The following MCTP1 variants were observed in gnomAD, a reference collection of about 807,000 sequenced individuals.
MCTP1 encodes the protein multiple C2 and transmembrane domain containing 1.
MCTP1 carries 69 observed loss-of-function variants against 120.6 expected under a neutral mutation model. The observed-to-expected ratio is 0.57, with a 90% CI of 0.47 to 0.70. MCTP1 has a LOEUF of 0.70. MCTP1 is among the 30% of genes least tolerant of loss of function. The pLI is 0.00. For missense variants in MCTP1, 1,203 were observed against 1,248.8 expected (o/e 0.96, Z 0.55); for synonymous variants, 529 against 493.1 (o/e 1.07, Z -0.96).
chr5:94,998,843 C>T (rs1356415327), intron 2 of MCTP1, among the ~76,000 whole-genome samples: 1 of 152,182 alleles, frequency 6.6e-6, no homozygotes, highest in Non-Finnish European at 1.5e-5. Flanking sequence ...TTGACTTTCT[C>T]CATAAATATT....
chr5:94,958,801 C>T (rs1269555769), intron 2 of MCTP1, among the ~76,000 whole-genome samples: 1 of 152,120 alleles, frequency 6.6e-6, no homozygotes, highest in East Asian at 1.9e-4. Context: ...CAAAAAAACC[C>T]ATGACCAGAT....
intron 1 of MCTP1, among the ~76,000 whole-genome samples, chr5:95,047,765 T>G (rs990753722): frequency 3.9e-5 from 6 of 152,002 alleles, no homozygotes; most frequent in African/African-American, 1.4e-4. Context: ...CATCTCTTCT[T>G]CCCCTTTCTC....
intron 3 of MCTP1, among the ~76,000 whole-genome samples, chr5:94,946,501 T>A (rs766206377): frequency 6.6e-6 from 1 of 152,090 alleles, no homozygotes; most frequent in South Asian, 2.1e-4. Flanking sequence ...GAGATACACA[T>A]TTGGAAAATC....
intron 17 of MCTP1, among the ~76,000 whole-genome samples, chr5:94,833,077 A>G (rs1051133253): frequency 2.6e-5 from 4 of 152,208 alleles, no homozygotes; most frequent in Non-Finnish European, 1.5e-5. Context: ...TCAGAAAGGT[A>G]AAGAAAAACA....
At position 95,280,650 on chromosome 5, in the gene MCTP1, ATT is replaced by A. The variant is rs899253708; in HGVS notation, c.720+3204_720+3205del. Among the ~76,000 whole-genome samples the A allele has an allele frequency of 8.6e-5, 13 of 151,762 alleles. No individual in the cohort carries two copies. In the East Asian group the frequency reaches 2.5e-3, roughly 29 times the overall value. Reference sequence around the variant, plus strand: ...CCAGAATCAGTGGGAAGAAAGGGATATTTTTTTTTCCTTATTCTCAAAACAGA... The same window carrying A: ...CCAGAATCAGTGGGAAGAAAGGGATATTTTTTTCCTTATTCTCAAAACAGA... On this transcript the variant is annotated intron_variant, in intron 1 of 22. Coordinates refer to ENST00000515393, the MANE Select transcript of MCTP1 (RefSeq NM_024717.7).
chr5:95,194,084 C>T (rs1169976201), intron 1 of MCTP1, among the ~76,000 whole-genome samples: 1 of 152,088 alleles, frequency 6.6e-6, no homozygotes, highest in Admixed American at 6.6e-5. Context: ...AGCATGGTAG[C>T]TTGCACCTGT....
At chr5:95,075,791 A>C (rs1753401795) in intron 1 of MCTP1, among the ~76,000 whole-genome samples, 1 of 152,240 alleles carries the variant, frequency 6.6e-6, no homozygotes, top group African/African-American at 2.4e-5. Flanking sequence ...TTCTCTCAGA[A>C]GTGACTATTC....
chr5:95,255,792 C>A (rs1024899405), intron 1 of MCTP1, among the ~76,000 whole-genome samples: 1 of 152,132 alleles, frequency 6.6e-6, no homozygotes, highest in Non-Finnish European at 1.5e-5. Flanking sequence ...CCCAATCAAG[C>A]ATCTAACTGC....
chr5:94,988,948 T>G (rs10077845), intron 2 of MCTP1, among the ~76,000 whole-genome samples: 8,940 of 152,154 alleles, frequency 0.059, 850 homozygotes, highest in African/African-American at 0.2. Context: ...GAGAACTGGA[T>G]GGGGGAAACC....
At chr5:95,230,016 C>T (rs558638530) in intron 1 of MCTP1, among the ~76,000 whole-genome samples, 2 of 152,128 alleles carry the variant, frequency 1.3e-5, no homozygotes, top group South Asian at 2.1e-4. Context: ...AGGAGGCCTC[C>T]AGAACTAAGG....
intron 8 of MCTP1, among the ~76,000 whole-genome samples, chr5:94,917,283 C>T (rs867082444): frequency 1.3e-5 from 2 of 152,106 alleles, no homozygotes; most frequent in South Asian, 4.1e-4. Context: ...TGAGGTAATG[C>T]TCTCAACTAG....
chr5:95,258,512 T>C (rs963019906), intron 1 of MCTP1, among the ~76,000 whole-genome samples: 1 of 152,218 alleles, frequency 6.6e-6, no homozygotes, highest in African/African-American at 2.4e-5. Flanking sequence ...TTAGATAGGA[T>C]ACTGAAACAT....
intron 1 of MCTP1, among the ~76,000 whole-genome samples, chr5:95,256,740 G>T (rs965462746): frequency 7.7e-4 from 117 of 152,266 alleles, no homozygotes; most frequent in African/African-American, 2.5e-3. Context: ...AAGAGAGAGA[G>T]GAAAGAGACC....
intron 19 of MCTP1, among the ~76,000 whole-genome samples, chr5:94,747,847 T>A (rs1295227445): frequency 5.9e-5 from 9 of 152,150 alleles, no homozygotes; most frequent in Non-Finnish European, 1.0e-4. Context: ...ACCCAGCACC[T>A]TGGGAGGCCA....
intron 19 of MCTP1, among the ~76,000 whole-genome samples, chr5:94,774,807 C>G (rs1433315384): frequency 1.3e-5 from 2 of 152,198 alleles, no homozygotes; most frequent in Non-Finnish European, 2.9e-5. Flanking sequence ...TTTCCTTGTG[C>G]CTCCTTTCTT....
In MCTP1 at chr5:94,985,992, C is replaced by G. The variant is rs141566174; in HGVS notation, c.838+31375G>C. Among the ~76,000 whole-genome samples the G allele has an allele frequency of 5.6e-3, 847 of 152,150 alleles. 6 individuals carry two copies. Among genetic ancestry groups the G allele is most frequent in the Middle Eastern group, 0.02 (6 of 294 alleles). On this transcript the variant is annotated intron_variant, in intron 2 of 22. Transcript: ENST00000515393. ...AAGTGGGAATGCATGCCTGTTTTCT[C>G]CATTATAGTTGTTTGTGATTGACAT...
chr5:94,727,374 G>A (rs1314009055), intron 19 of MCTP1, among the ~76,000 whole-genome samples: 1 of 152,078 alleles, frequency 6.6e-6, no homozygotes, highest in East Asian at 1.9e-4. Flanking sequence ...TAGAAGATAT[G>A]AGCCACCTTC....
chr5:95,143,128 C>T (rs1322458220), intron 1 of MCTP1, among the ~76,000 whole-genome samples: 1 of 152,164 alleles, frequency 6.6e-6, no homozygotes, highest in African/African-American at 2.4e-5. Context: ...CCTCCTTCCA[C>T]AGGACACCAG....
chr5:95,150,214 T>C (rs1411567847), intron 1 of MCTP1, among the ~76,000 whole-genome samples: 1 of 152,240 alleles, frequency 6.6e-6, no homozygotes, highest in Non-Finnish European at 1.5e-5. Context: ...CATAACCTAA[T>C]AATGATAATT....
Sources: allele counts gnomAD v4.1 joint callset (sites outside exome capture counted in the v4.1 genomes callset), GRCh38; gene constraint gnomAD v4.1.1; transcripts MANE v1.5; gene names NCBI Gene and HGNC (gene_info 2026-07-23, HGNC 2026-07-21).